The following FAM184A variants were observed in gnomAD, a reference collection of about 807,000 sequenced individuals.
The protein encoded by FAM184A is protein FAM184A.
A neutral mutation model predicts 143.8 loss-of-function variants in FAM184A; 99 were observed. That is an observed-to-expected ratio of 0.69 (90% CI 0.58 to 0.81). The LOEUF is 0.81. FAM184A is among the 40% of genes least tolerant of loss of function. The probability of loss-of-function intolerance (pLI) is 0.00; values close to 1 mark genes in which losing one functional copy is unlikely to be tolerated. For missense variants in FAM184A, 1,217 were observed against 1,310.5 expected, an observed-to-expected ratio of 0.93 and a Z score of 1.10; for synonymous variants, 427 against 446.4, an observed-to-expected ratio of 0.96 and a Z score of 0.55.
chr6:118,970,161 ACT>A (rs1220422295), intron 14 of FAM184A, among the ~76,000 whole-genome samples: 2 of 149,010 alleles, frequency 1.3e-5, no homozygotes, highest in Non-Finnish European at 3.0e-5. Context: ...CTGCCACCAC[ACT>A]CGGCTAATTT....
chr6:118,972,465 T>C (rs1362843691), intron 14 of FAM184A, among the ~76,000 whole-genome samples: 1 of 152,140 alleles, frequency 6.6e-6, no homozygotes, highest in Non-Finnish European at 1.5e-5. Flanking sequence ...AGGGGGTAAT[T>C]ACCTGGTGGC....
At chr6:119,054,346 T>C (rs1454382451) in intron 1 of FAM184A, among the ~76,000 whole-genome samples, 1 of 152,210 alleles carries the variant, frequency 6.6e-6, no homozygotes, top group East Asian at 1.9e-4. Flanking sequence ...CAACAGAAAT[T>C]TATCTCTTAC....
At chr6:118,983,504 A>G (rs141541695) in intron 9 of FAM184A, among the ~76,000 whole-genome samples, 345 of 152,310 alleles carry the variant, frequency 2.3e-3, no homozygotes, top group Non-Finnish European at 4.3e-3. Flanking sequence ...TTCAAACTAT[A>G]TATTATATTC....
intron 1 of FAM184A, among the ~76,000 whole-genome samples, chr6:119,118,140 G>T (rs994698811): frequency 4.6e-5 from 7 of 152,198 alleles, no homozygotes; most frequent in African/African-American, 1.7e-4. Context: ...AGATGCAGAA[G>T]TTTGGTCTTC....
intron 1 of FAM184A, among the ~76,000 whole-genome samples, chr6:119,128,934 A>C (rs1037687214): frequency 6.6e-6 from 1 of 152,042 alleles, no homozygotes; most frequent in African/African-American, 2.4e-5. Context: ...TCCAATAAAA[A>C]ACACTGTCTA....
chr6:119,055,433 G>T (rs926218295), intron 1 of FAM184A, among the ~76,000 whole-genome samples: 4 of 152,094 alleles, frequency 2.6e-5, no homozygotes, highest in Admixed American at 2.6e-4. Context: ...GGGTCATGTG[G>T]TAACTGTTTA....
chr6:119,012,225 G>A (rs1221957298), intron 5 of FAM184A, among the ~76,000 whole-genome samples: 1 of 152,184 alleles, frequency 6.6e-6, no homozygotes, highest in Non-Finnish European at 1.5e-5. Flanking sequence ...AGCACAGTAT[G>A]TTACAAGCAG....
intron 11 of FAM184A, among the ~76,000 whole-genome samples, chr6:118,977,914 T>C (rs2114575389): frequency 6.6e-6 from 1 of 152,332 alleles, no homozygotes; most frequent in Middle Eastern, 3.4e-3. Context: ...AATAAAAGTT[T>C]TTTTAAAGAC....
chr6:119,109,688 C>T (rs1788881301), intron 1 of FAM184A, among the ~76,000 whole-genome samples: 1 of 152,150 alleles, frequency 6.6e-6, no homozygotes, highest in Non-Finnish European at 1.5e-5. Context: ...ACAGAGACTC[C>T]CACATTCATG....
chr6:119,117,774 T>C (rs1401213715), intron 1 of FAM184A, among the ~76,000 whole-genome samples: 1 of 152,190 alleles, frequency 6.6e-6, no homozygotes, highest in Non-Finnish European at 1.5e-5. Context: ...TCCTTTTTAG[T>C]GATTAATTTA....
At chr6:119,035,107 A>G (rs566527916) in intron 1 of FAM184A, among the ~76,000 whole-genome samples, 46 of 152,270 alleles carry the variant, frequency 3.0e-4, no homozygotes, top group African/African-American at 9.9e-4. Flanking sequence ...AAAGGCTGTG[A>G]GAGTGGAAGA....
At chr6:119,106,710 C>A (rs1281215376) in intron 1 of FAM184A, among the ~76,000 whole-genome samples, 1 of 152,150 alleles carries the variant, frequency 6.6e-6, no homozygotes, top group African/African-American at 2.4e-5. Context: ...CCTCAGTTTT[C>A]TCATCTCTAA....
Position 118,961,791 on chromosome 6 carries a change from A to G in FAM184A, c.3311T>C (p.Val1104Ala), listed in dbSNP as rs1783333756. ...FNSSKPLPQPVPPKGPKTFLS... is the reference protein window; with the variant it reads ...FNSSKPLPQPAPPKGPKTFLS... ...AAATGTCTTGGGCCCTTTAGGTGGC[A>G]CTGGCTGTGGAAGTGGTTTGCTGCT... The change falls in exon 17 of 18, where the codon GTG becomes GCG. Residue 1104 changes from valine to alanine, a missense_variant. Transcript: ENST00000338891. The G allele has an allele frequency of 1.2e-6, 2 of 1,613,888 alleles. No homozygotes were observed. Among genetic ancestry groups the G allele is most frequent in the Non-Finnish European group, 1.7e-6 (2 of 1,179,836 alleles).
chr6:118,965,808 C>T (rs751879583), intron 15 of FAM184A, among the ~76,000 whole-genome samples: 1 of 152,188 alleles, frequency 6.6e-6, no homozygotes, highest in Non-Finnish European at 1.5e-5. Context: ...ATAACACCTC[C>T]TCAGTAAGAA....
At chr6:119,037,516 A>C (rs2114720585) in intron 1 of FAM184A, among the ~76,000 whole-genome samples, 1 of 152,288 alleles carries the variant, frequency 6.6e-6, no homozygotes, top group South Asian at 2.1e-4. Flanking sequence ...ACTGTTTGCT[A>C]TCTAACCAAT....
intron 1 of FAM184A, among the ~76,000 whole-genome samples, chr6:119,033,265 T>C (rs2114711007): frequency 6.6e-6 from 1 of 152,290 alleles, no homozygotes; most frequent in South Asian, 2.1e-4. Flanking sequence ...TCGGAGGTGA[T>C]GAAATTGCAC....
intron 1 of FAM184A, among the ~76,000 whole-genome samples, chr6:119,067,344 T>C (rs190118635): frequency 4.6e-5 from 7 of 152,336 alleles, no homozygotes; most frequent in Admixed American, 4.6e-4. Flanking sequence ...CATAGTCACT[T>C]AGGCCCCTAA....
intron 17 of FAM184A, 107 bp from the exon 18 acceptor site, chr6:118,960,291 T>C (rs1783278420): frequency 4.8e-6 from 4 of 839,688 alleles, no homozygotes; most frequent in Non-Finnish European, 7.5e-6. Flanking sequence ...GGGTTCCCCA[T>C]GTTGTAAGTC....
rs1054845923 is a variant in FAM184A at position 119,078,059 on chromosome 6, G to A, written c.159+82C>T. 15 of 1,472,760 alleles carry A rather than the reference G, an allele frequency of 1.0e-5. No individual in the cohort carries two copies. The Admixed American group carries it at 1.7e-4, about 17-fold the overall frequency. The allele number at this position is 1,472,760 out of a possible 1,614,324, so 91.2% of individuals were successfully genotyped here. A position where few individuals can be genotyped will look rare whatever the true frequency, so the allele number is the denominator to read the frequency against. On this transcript the variant is annotated intron_variant, in intron 1 of 17. Coordinates refer to ENST00000338891, the MANE Select transcript of FAM184A (RefSeq NM_024581.6). This position sits in a 1 kb window ranked among gnomAD's most constrained non-coding sequence, Gnocchi z 5.5. ...AGAGTTCCCCTCGCTGCGGGCGCAG[G>A]GCGCACTGCCTCCCGGGGAGACAGG...
Sources: allele counts gnomAD v4.1 joint callset (sites outside exome capture counted in the v4.1 genomes callset), GRCh38; gene constraint gnomAD v4.1.1; non-coding constraint Gnocchi (gnomAD v3.1); transcripts MANE v1.5; gene names NCBI Gene and HGNC (gene_info 2026-07-23, HGNC 2026-07-21).